Variants in ESR1 observed in about 807,000 individuals in gnomAD.
The protein encoded by ESR1 is estrogen receptor.
Under a neutral mutation model 52.7 loss-of-function variants are expected in ESR1, and 12 were observed. That is an observed-to-expected ratio of 0.23 (90% CI 0.15 to 0.37). The LOEUF (loss-of-function observed/expected upper bound fraction) is 0.37, where lower values mean the gene tolerates loss of function less well. Among genes scored for constraint, ESR1 ranks in the 10% least tolerant of loss-of-function variants. ESR1 has a pLI of 1.00. For synonymous variants in ESR1, 305 were observed against 316.8 expected (o/e 0.96, Z 0.39); for missense variants, 584 against 779.7 (o/e 0.75, Z 2.99).
At chr6:151,729,019 T>C (rs1782048657) in intron 2 of ESR1, among the ~76,000 whole-genome samples, 1 of 152,248 alleles carries the variant, frequency 6.6e-6, no homozygotes, top group African/African-American at 2.4e-5. Context: ...ACCACTGTGC[T>C]CTCCTTTTGG....
intron 3 of ESR1, among the ~76,000 whole-genome samples, chr6:151,939,149 C>A (rs1358974796): frequency 6.6e-6 from 1 of 152,150 alleles, no homozygotes; most frequent in African/African-American, 2.4e-5. Flanking sequence ...GACAATGTAT[C>A]TTGTGTGTAT....
chr6:152,025,841 A>C (rs1243527882), intron 5 of ESR1, among the ~76,000 whole-genome samples: 1 of 152,014 alleles, frequency 6.6e-6, no homozygotes, highest in Non-Finnish European at 1.5e-5. Flanking sequence ...TTCATGATAT[A>C]GGTAACTGAT....
chr6:151,879,064 T>C (rs2128327311), intron 2 of ESR1, among the ~76,000 whole-genome samples: 1 of 152,136 alleles, frequency 6.6e-6, no homozygotes, highest in East Asian at 1.9e-4. Context: ...TATGGAGTAG[T>C]AAGAGAAGAA....
intron 2 of ESR1, among the ~76,000 whole-genome samples, chr6:151,731,659 T>A (rs1234488112): frequency 6.6e-6 from 1 of 152,192 alleles, no homozygotes; most frequent in Non-Finnish European, 1.5e-5. Context: ...GGAAAACTGA[T>A]CATATTTTAT....
chr6:151,776,684 A>G (rs560740366), intron 2 of ESR1, among the ~76,000 whole-genome samples: 3 of 152,218 alleles, frequency 2.0e-5, no homozygotes, highest in Admixed American at 2.0e-4. Flanking sequence ...CTAAAAATAC[A>G]AAAATTAGCC....
intron 5 of ESR1, among the ~76,000 whole-genome samples, chr6:152,017,857 T>C (rs1050451710): frequency 6.6e-6 from 1 of 152,122 alleles, no homozygotes; most frequent in African/African-American, 2.4e-5. Flanking sequence ...GCGCCTTCCA[T>C]GCTAACAAAT....
intron 5 of ESR1, among the ~76,000 whole-genome samples, chr6:152,021,503 C>T (rs542749069): frequency 6.6e-6 from 1 of 152,294 alleles, no homozygotes; most frequent in Admixed American, 6.5e-5. Context: ...AGAAAACACA[C>T]TGTCCATGTC....
At chr6:152,123,050 T>G (rs534738425) in intron 6 of ESR1, among the ~76,000 whole-genome samples, 33 of 152,244 alleles carry the variant, frequency 2.2e-4, no homozygotes, top group Non-Finnish European at 4.0e-4. Flanking sequence ...ATGCAGCATA[T>G]TTTTGTTTTA....
intron 4 of ESR1, among the ~76,000 whole-genome samples, chr6:152,003,340 ATG>A (rs60787638): frequency 0.026 from 3,834 of 145,330 alleles, 107 homozygotes; most frequent in African/African-American, 0.066. Context: ...AAGGGTAATT[ATG>A]TGTGTGTGTG....
At chr6:151,772,974 T>C (rs1460642525) in intron 2 of ESR1, among the ~76,000 whole-genome samples, 1 of 152,200 alleles carries the variant, frequency 6.6e-6, no homozygotes, top group Admixed American at 6.5e-5. Context: ...CTCTCTGTTA[T>C]AAGTTGAATT....
At chr6:151,659,572 T>C (rs9397069) in intron 1 of ESR1, among the ~76,000 whole-genome samples, 24,003 of 152,182 alleles carry the variant, frequency 0.16, 2,791 homozygotes, top group African/African-American at 0.32. Flanking sequence ...GATTTATCTA[T>C]AGGATTCCAT....
rs145697526 is a variant in ESR1 at position 152,005,839 on chromosome 6, A to G, written c.1097-5817A>G. 7.2e-5 allele frequency among the ~76,000 whole-genome samples: 11 copies of G among 152,188 alleles called. No homozygotes were observed. In the East Asian group the frequency reaches 1.9e-3, roughly 27 times the overall value. ...GGAGATGGGTGGGAGTGTGCCCTCC[A>G]GATAATCAGAAAGTCCCATGTTGGG... On this transcript the variant is annotated intron_variant, in intron 4 of 7. Transcript: ENST00000206249.
intron 2 of ESR1, among the ~76,000 whole-genome samples, chr6:151,709,620 ACTT>A: frequency 6.6e-6 from 1 of 152,204 alleles, no homozygotes; most frequent in South Asian, 2.1e-4. Context: ...CCTTGCCAAC[ACTT>A]TTAATCTTTT....
Position 151,807,857 on chromosome 6 carries a change from T to G in ESR1, c.-56T>G. 1 of 1,523,882 alleles carries G rather than the reference T, an allele frequency of 6.6e-7. No individual in the cohort carries two copies. Among genetic ancestry groups the G allele is most frequent in the Non-Finnish European group, 9.0e-7 (1 of 1,105,228 alleles). 94.4% of individuals were successfully genotyped at this position (1,523,882 alleles called of 1,614,324 possible). A position where few individuals can be genotyped will look rare whatever the true frequency, so the allele number is the denominator to read the frequency against. The stretch of plus-strand genomic sequence containing the variant: ...TCTTTTTCCAGGTGGCCCGCCGGTT[T>G]CTGAGCCTTCTGCCCTGCGGGGACA... On this transcript the variant is annotated 5_prime_UTR_variant, in exon 1 of 8. Transcript: ENST00000206249.
At chr6:152,117,502 C>T (rs571963662) in intron 6 of ESR1, among the ~76,000 whole-genome samples, 2 of 152,334 alleles carry the variant, frequency 1.3e-5, no homozygotes, top group Non-Finnish European at 2.9e-5. Context: ...TATGTTCCCA[C>T]TCTTGTATTA....
At chr6:151,835,445 A>T (rs1783168434) in intron 1 of ESR1, among the ~76,000 whole-genome samples, 2 of 152,190 alleles carry the variant, frequency 1.3e-5, no homozygotes, top group Non-Finnish European at 2.9e-5. Flanking sequence ...CTGCTGGAGA[A>T]AGAAAATACT....
At chr6:152,112,209 A>C (rs1228241535) in intron 6 of ESR1, among the ~76,000 whole-genome samples, 1 of 152,246 alleles carries the variant, frequency 6.6e-6, no homozygotes, top group Non-Finnish European at 1.5e-5. Context: ...GCTTCTGTCT[A>C]TGGAAAAAGC....
At chr6:151,734,515 G>T (rs1160076099) in intron 2 of ESR1, among the ~76,000 whole-genome samples, 1 of 152,094 alleles carries the variant, frequency 6.6e-6, no homozygotes, top group African/African-American at 2.4e-5. Context: ...CCACTTCATT[G>T]CTCCTGCCCT....
chr6:152,011,705 C>G lies in ESR1; in HGVS notation c.1146C>G (p.Ala382=), dbSNP rs1386581384. The change falls in exon 5 of 8, where the codon GCC becomes GCG. Residue 382 remains alanine (A), a synonymous_variant. Coordinates refer to ENST00000206249, the MANE Select transcript of ESR1 (RefSeq NM_000125.4). ...LHDQVHLLEC[A]WLEILMIGLV... Reference sequence around the variant, plus strand: ...ATCAGGTCCACCTTCTAGAATGTGCCTGGCTAGAGATCCTGATGATTGGTC... The same window carrying G: ...ATCAGGTCCACCTTCTAGAATGTGCGTGGCTAGAGATCCTGATGATTGGTC... The G allele has an allele frequency of 6.2e-7, 1 of 1,613,262 alleles. No homozygotes were observed. The highest frequency in any genetic ancestry group is 1.7e-5 in the Admixed American group (1 of 59,930).
Sources: allele counts gnomAD v4.1 joint callset (sites outside exome capture counted in the v4.1 genomes callset), GRCh38; gene constraint gnomAD v4.1.1; transcripts MANE v1.5; gene names NCBI Gene and HGNC (gene_info 2026-07-23, HGNC 2026-07-21).